The following NAV3 variants were observed in gnomAD, a reference collection of about 807,000 sequenced individuals.
NAV3 encodes the protein neuron navigator 3.
NAV3 carries 87 observed loss-of-function variants against 244.7 expected under a neutral mutation model. The observed-to-expected ratio is 0.36, with a 90% CI of 0.30 to 0.42. The LOEUF is 0.42. NAV3 is among the 20% of genes least tolerant of loss of function. The pLI is 1.00. For missense variants in NAV3, 2,663 were observed against 2,893.3 expected (o/e 0.92, Z 1.83); for synonymous variants, 1,126 against 1,042.2 (o/e 1.08, Z -1.55).
At chr12:78,108,920 C>G (rs1272337757) in intron 12 of NAV3, among the ~76,000 whole-genome samples, 1 of 151,788 alleles carries the variant, frequency 6.6e-6, no homozygotes, top group Admixed American at 6.6e-5. Context: ...AAGAACAAAT[C>G]AAACCCAAAA....
chr12:78,127,340 G>T, intron 17 of NAV3, 132 bp downstream of exon 17: 1 of 861,842 alleles, frequency 1.2e-6, no homozygotes, highest in South Asian at 1.7e-5. Flanking sequence ...TAATTTTGAT[G>T]GTTTCTCTGG....
At chr12:77,853,217 T>C (rs1456331404) in intron 1 of NAV3, among the ~76,000 whole-genome samples, 1 of 152,230 alleles carries the variant, frequency 6.6e-6, no homozygotes, top group African/African-American at 2.4e-5. Context: ...TAAGCTTCCA[T>C]ACACTTATGA....
At chr12:77,843,425 G>A (rs1019741318) in intron 1 of NAV3, among the ~76,000 whole-genome samples, 4 of 151,848 alleles carry the variant, frequency 2.6e-5, no homozygotes, top group Non-Finnish European at 5.9e-5. Context: ...GTGTGTTTGT[G>A]TGTGTATCTT....
At chr12:77,660,814 C>T (rs1249071062) in intron 2 of NAV3, among the ~76,000 whole-genome samples, 1 of 152,092 alleles carries the variant, frequency 6.6e-6, no homozygotes, top group Non-Finnish European at 1.5e-5. Flanking sequence ...TTTTGCCTTT[C>T]CTATAAATAT....
chr12:78,131,089 C>T (rs1012132822), intron 18 of NAV3: 1 of 152,174 alleles, frequency 6.6e-6, no homozygotes, highest in African/African-American at 2.4e-5. Context: ...CCAAGGGCCT[C>T]ATTACTTTTT....
At chr12:78,026,660 C>G (rs747399114) in intron 9 of NAV3, among the ~76,000 whole-genome samples, 3 of 152,060 alleles carry the variant, frequency 2.0e-5, no homozygotes, top group Non-Finnish European at 4.4e-5. Flanking sequence ...ATTGAACTAA[C>G]TATAAGAAAT....
intron 2 of NAV3, among the ~76,000 whole-genome samples, chr12:77,676,572 T>A (rs1037004282): frequency 6.6e-6 from 1 of 151,204 alleles, no homozygotes; most frequent in African/African-American, 2.4e-5. Context: ...TTTTTTTTTT[T>A]AAATTTTTTA....
chr12:77,801,816 T>C (rs974990855), intron 2 of NAV3, among the ~76,000 whole-genome samples: 2 of 152,200 alleles, frequency 1.3e-5, no homozygotes, highest in African/African-American at 4.8e-5. Context: ...TCTCTGCCTG[T>C]AACTGACTTG....
chr12:77,918,735 A>G (rs1348646448), intron 1 of NAV3, among the ~76,000 whole-genome samples: 2 of 152,068 alleles, frequency 1.3e-5, no homozygotes, highest in Non-Finnish European at 2.9e-5. Flanking sequence ...GTCATCATCC[A>G]GTAGGATATC....
intron 2 of NAV3, among the ~76,000 whole-genome samples, chr12:77,621,448 G>A (rs1311738494): frequency 6.6e-6 from 1 of 151,078 alleles, no homozygotes; most frequent in Non-Finnish European, 1.5e-5. Flanking sequence ...ATAATAGCCA[G>A]TGAACTCTAC....
At chr12:78,024,701 G>T (rs1877711370) in intron 9 of NAV3, among the ~76,000 whole-genome samples, 1 of 152,118 alleles carries the variant, frequency 6.6e-6, no homozygotes, top group African/African-American at 2.4e-5. Flanking sequence ...TTCCTGGCCG[G>T]GTGCGGTGTC....
chr12:77,600,126 T>C (rs1182623679), intron 2 of NAV3, among the ~76,000 whole-genome samples: 1 of 151,996 alleles, frequency 6.6e-6, no homozygotes, highest in Non-Finnish European at 1.5e-5. Context: ...GTAAAACATG[T>C]GGTGAAAGTA....
chr12:77,895,700 C>T lies in NAV3; in HGVS notation c.244-44619C>T, dbSNP rs185091590. On this transcript the variant is annotated intron_variant, in intron 1 of 39. Transcript: ENST00000397909. ...GTTTCAAATCTGTTTTCCTTCAATG[C>T]TACCCCATCCTCTACTACCACATAT... Among the ~76,000 whole-genome samples the T allele has an allele frequency of 1.3e-3, 196 of 149,006 alleles. 1 individual carries two copies. The highest frequency in any genetic ancestry group is 4.5e-3 in the African/African-American group (182 of 40,688).
In NAV3 at chr12:78,128,759, G is replaced by T; in HGVS notation, c.4334G>T (p.Arg1445Leu). 2 of 1,614,004 alleles carry T rather than the reference G, an allele frequency of 1.2e-6. No homozygotes were observed. Among genetic ancestry groups the T allele is most frequent in the Non-Finnish European group, 1.7e-6 (2 of 1,179,972 alleles). ...ANQEEGKEWLRSHSTGGLQDT... is the reference protein window; with the variant it reads ...ANQEEGKEWLLSHSTGGLQDT... ...CAAGAAGAGGGCAAAGAGTGGTTGC[G>T]TTCTCATTCTACTGGAGGGCTTCAG... is the stretch of plus-strand genomic sequence containing the variant. Residue 1445 changes from arginine (R) to leucine (L), a missense_variant, in exon 18 of 40, where the codon CGT (arginine) becomes CTT (leucine). By Grantham distance (102) the Arg-to-Leu change is moderately radical. Transcript: ENST00000397909.
chr12:77,856,613 T>A (rs1023843084), intron 1 of NAV3, among the ~76,000 whole-genome samples: 4 of 152,146 alleles, frequency 2.6e-5, no homozygotes, highest in Admixed American at 2.0e-4. Flanking sequence ...AGTTTTGAAA[T>A]GATGTAATTA....
rs536109758 is a variant in NAV3, at chr12:78,190,705, T to TAA, written c.6291+487_6291+488insAA. On this transcript the variant is annotated intron_variant, in intron 34 of 39. Transcript: ENST00000397909. Reference sequence around the variant, plus strand: ...GATATTCTGGGAGCAGCAATTTGCTTATGTCACATCTCCCTAAAATTTTTG... The same window carrying TAA: ...GATATTCTGGGAGCAGCAATTTGCTTAAATGTCACATCTCCCTAAAATTTTTG... 6.5e-3 allele frequency among the ~76,000 whole-genome samples: 991 copies of TAA among 152,240 alleles called. 12 individuals carry two copies. Among genetic ancestry groups the TAA allele is most frequent in the African/African-American group, 0.023 (946 of 41,570 alleles).
chr12:77,942,376 A>T (rs946614429), intron 3 of NAV3, among the ~76,000 whole-genome samples: 94 of 152,018 alleles, frequency 6.2e-4, no homozygotes, highest in African/African-American at 2.1e-3. Flanking sequence ...CTGTCTCGAA[A>T]AAATAAATAA....
At chr12:77,691,832 A>G (rs1393405126) in intron 2 of NAV3, among the ~76,000 whole-genome samples, 1 of 151,946 alleles carries the variant, frequency 6.6e-6, no homozygotes, top group Non-Finnish European at 1.5e-5. Flanking sequence ...CACAGCTAGT[A>G]AATGGAGGAT....
At chr12:77,864,259 C>T (rs1215559876) in intron 1 of NAV3, among the ~76,000 whole-genome samples, 2 of 151,292 alleles carry the variant, frequency 1.3e-5, no homozygotes, top group Admixed American at 6.6e-5. Context: ...CCTGTAAGTC[C>T]CTCATCTTCT....
Sources: allele counts gnomAD v4.1 joint callset (sites outside exome capture counted in the v4.1 genomes callset), GRCh38; gene constraint gnomAD v4.1.1; transcripts MANE v1.5; gene names NCBI Gene and HGNC (gene_info 2026-07-23, HGNC 2026-07-21).